Variants in ZNF226 observed in about 807,000 individuals in gnomAD.
ZNF226 encodes Kruppel-associated box protein.
ZNF226 carries 6 observed loss-of-function variants against 11.4 expected under a neutral mutation model. The ratio of observed to expected loss-of-function variants is 0.53; its 90% CI spans 0.29 to 1.04. ZNF226 has a LOEUF of 1.04. Ranked by LOEUF, ZNF226 falls within the 50% of genes least tolerant of loss-of-function variation. ZNF226 has a pLI of 0.08. For synonymous variants in ZNF226, 350 were observed against 322.8 expected (o/e 1.08, Z -0.90); for missense variants, 1,058 against 956.5 (o/e 1.11, Z -1.40).
At chr19:44,194,997 C>T in the ZNF226 span, among the ~76,000 whole-genome samples, 1 of 152,152 alleles carries the variant, frequency 6.6e-6, no homozygotes, top group Non-Finnish European at 1.5e-5. Flanking sequence ...AATTTTAAGC[C>T]AGGCTTGCAG....
chr19:44,190,680 A>G, the ZNF226 span, among the ~76,000 whole-genome samples: 9 of 152,184 alleles, frequency 5.9e-5, no homozygotes, highest in Non-Finnish European at 1.3e-4. Context: ...AAGCCAAACA[A>G]AGGCAGACTT....
the ZNF226 span, among the ~76,000 whole-genome samples, chr19:44,194,596 C>T: frequency 6.6e-6 from 1 of 152,082 alleles, no homozygotes; most frequent in Non-Finnish European, 1.5e-5. Flanking sequence ...CTTTAATTGT[C>T]CACTAAAATC....
chr19:44,194,499 G>A, the ZNF226 span, among the ~76,000 whole-genome samples: 1 of 152,136 alleles, frequency 6.6e-6, no homozygotes, highest in Non-Finnish European at 1.5e-5. Flanking sequence ...GGCTGGTTTG[G>A]AAGTCCTGGT....
chr19:44,183,473 A>G, the ZNF226 span, among the ~76,000 whole-genome samples: 1 of 152,250 alleles, frequency 6.6e-6, no homozygotes, highest in Non-Finnish European at 1.5e-5. Flanking sequence ...TATGTGCCAA[A>G]AAAAATGATA....
the ZNF226 span, among the ~76,000 whole-genome samples, chr19:44,184,651 C>G: frequency 6.6e-6 from 1 of 151,768 alleles, no homozygotes; most frequent in Non-Finnish European, 1.5e-5. Context: ...AAGTGAAGAG[C>G]AAATAGCTGC....
downstream of ZNF226, chr19:44,177,778 A>G (rs544135974): frequency 1.1e-5 from 14 of 1,285,148 alleles, no homozygotes; most frequent in East Asian, 3.3e-4. Context: ...AAGACAACAA[A>G]ACAATCTTTA....
At chr19:44,179,307 A>C (rs1031088659), downstream of ZNF226, among the ~76,000 whole-genome samples, 1 of 152,188 alleles carries the variant, frequency 6.6e-6, no homozygotes, top group Non-Finnish European at 1.5e-5. Context: ...TTTAACTTCT[A>C]TATTTTAATT....
At chr19:44,179,799 G>A (rs558444653), downstream of ZNF226, among the ~76,000 whole-genome samples, 3 of 151,878 alleles carry the variant, frequency 2.0e-5, no homozygotes, top group Non-Finnish European at 2.9e-5. Context: ...AAAATTTACA[G>A]AGGCCAGGTG....
chr19:44,176,325 A>G lies in ZNF226; in HGVS notation c.1063A>G (p.Lys355Glu), dbSNP rs1406513830. The G allele has an allele frequency of 1.2e-6, 2 of 1,614,228 alleles. No homozygotes were observed. The highest frequency in any genetic ancestry group is 4.5e-5 in the East Asian group (2 of 44,886). The change falls in exon 6 of 6, where the codon AAG becomes GAG. Residue 355 changes from lysine to glutamate, a missense_variant. By Grantham distance (56) the Lys-to-Glu change is moderately conservative. Transcript: ENST00000337433. Reference protein sequence around the residue: ...SRRSALNVHCKVHTAEKPYNC... With the variant: ...SRRSALNVHCEVHTAEKPYNC... The stretch of plus-strand genomic sequence containing the variant: ...TAGATCAGCACTTAATGTTCATTGC[A>G]AGGTCCACACGGCAGAGAAACCTTA...
intron 5 of ZNF226, chr19:44,174,808 G>A: frequency 2.1e-6 from 1 of 474,870 alleles, no homozygotes; most frequent in Non-Finnish European, 3.6e-6. Flanking sequence ...TTTTGACTCA[G>A]TGCAAAAGCC....
intron 4 of ZNF226, 46 bp from the exon 5 acceptor site, chr19:44,172,814 A>T (rs1379695766): frequency 1.3e-6 from 2 of 1,488,750 alleles, no homozygotes; most frequent in African/African-American, 2.8e-5. Context: ...AGTGTATTTT[A>T]ACTCTAATAT....
the ZNF226 span, among the ~76,000 whole-genome samples, chr19:44,194,944 T>C: frequency 6.6e-6 from 1 of 152,212 alleles, no homozygotes; most frequent in African/African-American, 2.4e-5. Context: ...TACAGTTGCA[T>C]GTAACCAAAT....
chr19:44,166,457 A>G (rs1232706418), intron 2 of ZNF226, among the ~76,000 whole-genome samples: 3 of 152,206 alleles, frequency 2.0e-5, no homozygotes, highest in Non-Finnish European at 4.4e-5. Context: ...CTGAGATCAC[A>G]CCGGTGCACT....
At chr19:44,178,247 G>A (rs1459197110), downstream of ZNF226, 1 of 153,198 alleles carries the variant, frequency 6.5e-6, no homozygotes, top group Non-Finnish European at 1.5e-5. Flanking sequence ...CTTCCCAGAT[G>A]TCTAGTTTTC....
intron 2 of ZNF226, among the ~76,000 whole-genome samples, chr19:44,166,120 C>T (rs1969343273): frequency 6.6e-6 from 1 of 152,184 alleles, no homozygotes; most frequent in Non-Finnish European, 1.5e-5. Context: ...TCTGCATGAG[C>T]CATAGGCAGC....
chr19:44,194,923 G>A, the ZNF226 span, among the ~76,000 whole-genome samples: 1 of 152,164 alleles, frequency 6.6e-6, no homozygotes, highest in Non-Finnish European at 1.5e-5. Flanking sequence ...AAACAAAAGA[G>A]CCAAATTATT....
At position 44,176,404 on chromosome 19, in the gene ZNF226, A is replaced by G. The variant is rs1262140439; in HGVS notation, c.1142A>G (p.His381Arg). 1.9e-6 allele frequency: 3 copies of G among 1,614,066 alleles called. No homozygotes were observed. Among genetic ancestry groups the G allele is most frequent in the East Asian group, 2.2e-5 (1 of 44,892 alleles). The change falls in exon 6 of 6, where the codon CAT becomes CGT. Residue 381 changes from histidine to arginine, a missense_variant. His to Arg is a conservative substitution (Grantham distance 29). Transcript: ENST00000337433. ...AFSQASHLQDHQRLHTGEKPF... is the reference protein window; with the variant it reads ...AFSQASHLQDRQRLHTGEKPF... Reference sequence around the variant, plus strand: ...AGTCAGGCCTCTCATCTTCAGGACCATCAGAGACTCCACACTGGGGAGAAG... The same window carrying G: ...AGTCAGGCCTCTCATCTTCAGGACCGTCAGAGACTCCACACTGGGGAGAAG...
At chr19:44,193,359 C>T in the ZNF226 span, among the ~76,000 whole-genome samples, 1 of 151,522 alleles carries the variant, frequency 6.6e-6, no homozygotes, top group Admixed American at 6.6e-5. Context: ...TATAAAATCA[C>T]AAGTGTATAA....
At chr19:44,174,354 C>G (rs762832402) in intron 5 of ZNF226, 2 of 152,012 alleles carry the variant, frequency 1.3e-5, no homozygotes, top group Non-Finnish European at 2.9e-5. Context: ...AGGTATTCCC[C>G]CATAGAAGGG....
Sources: gnomAD v4.1 joint callset for allele counts (sites outside exome capture counted in the v4.1 genomes callset) on GRCh38, gnomAD v4.1.1 for gene constraint, MANE v1.5 for transcripts, NCBI Gene and HGNC (gene_info 2026-07-23, HGNC 2026-07-21) for gene names.